FAM240B: variants seen among roughly 807,000 people sequenced by gnomAD.
The protein encoded by FAM240B is family with sequence similarity 240 member B.
At chr9:38,705,448 G>C (rs1380470347) in intron 1 of FAM240B, 2 of 152,218 alleles carry the variant, frequency 1.3e-5, no homozygotes, top group Non-Finnish European at 2.9e-5. Flanking sequence ...AATTAGCCGG[G>C]TGTGGTGGCG....
At chr9:38,709,341 C>T (rs1179002349) in intron 1 of FAM240B, among the ~76,000 whole-genome samples, 1 of 152,166 alleles carries the variant, frequency 6.6e-6, no homozygotes, top group East Asian at 1.9e-4. Context: ...CTCACTGTAG[C>T]TGGTATGGCC....
intron 1 of FAM240B, among the ~76,000 whole-genome samples, chr9:38,706,114 A>G (rs889381340): frequency 2.0e-5 from 3 of 152,222 alleles, no homozygotes; most frequent in African/African-American, 7.2e-5. Context: ...ACATTTAAAA[A>G]TAATTTTTAA....
chr9:38,707,514 A>C (rs1363692554), intron 1 of FAM240B, among the ~76,000 whole-genome samples: 1 of 151,948 alleles, frequency 6.6e-6, no homozygotes, highest in East Asian at 1.9e-4. Context: ...CACACCTGTA[A>C]TCCCAGCACT....
intron 2 of FAM240B, among the ~76,000 whole-genome samples, 163 bp downstream of exon 2, chr9:38,703,694 G>C (rs6476732): frequency 0.034 from 5,204 of 152,128 alleles, 276 homozygotes; most frequent in African/African-American, 0.12. Flanking sequence ...ATGAGACCTC[G>C]CATTTCCTCC....
intron 1 of FAM240B, among the ~76,000 whole-genome samples, chr9:38,718,505 C>T (rs1301146206): frequency 6.6e-6 from 1 of 152,112 alleles, no homozygotes; most frequent in Non-Finnish European, 1.5e-5. Context: ...CTCAGGAGAA[C>T]ATATCTGAAT....
chr9:38,697,978 T>C (rs1286870509), intron 2 of FAM240B, among the ~76,000 whole-genome samples: 1 of 152,258 alleles, frequency 6.6e-6, no homozygotes, highest in East Asian at 1.9e-4. Context: ...AAATAAGGTT[T>C]TATTGAAATA....
At chr9:38,718,790 AT>A (rs1821337232) in intron 1 of FAM240B, among the ~76,000 whole-genome samples, 1 of 152,096 alleles carries the variant, frequency 6.6e-6, no homozygotes, top group African/African-American at 2.4e-5. Flanking sequence ...GTAGATAGTT[AT>A]TTTAAATGGT....
chr9:38,695,864 A>T (rs1017130878), intron 2 of FAM240B, among the ~76,000 whole-genome samples: 1 of 152,274 alleles, frequency 6.6e-6, no homozygotes, highest in African/African-American at 2.4e-5. Context: ...ACAGAATATA[A>T]TAGAAAGTCC....
intron 1 of FAM240B, among the ~76,000 whole-genome samples, chr9:38,710,160 G>C (rs1821237962): frequency 6.6e-6 from 1 of 152,146 alleles, no homozygotes; most frequent in Non-Finnish European, 1.5e-5. Context: ...AGTAGAGACA[G>C]GGTTTCACCA....
intron 1 of FAM240B, among the ~76,000 whole-genome samples, chr9:38,716,403 C>T (rs1029618840): frequency 1.3e-5 from 2 of 152,108 alleles, no homozygotes; most frequent in African/African-American, 4.8e-5. Context: ...ACTGGGGAGG[C>T]GGAGCTTGCA....
At chr9:38,717,942 C>T (rs1821327961) in intron 1 of FAM240B, among the ~76,000 whole-genome samples, 1 of 152,188 alleles carries the variant, frequency 6.6e-6, no homozygotes, top group African/African-American at 2.4e-5. Flanking sequence ...CAGTCAGCAA[C>T]ACTTCCCAAA....
chr9:38,710,452 A>G (rs374865258), intron 1 of FAM240B, among the ~76,000 whole-genome samples: 2 of 152,364 alleles, frequency 1.3e-5, no homozygotes, highest in East Asian at 1.9e-4. Flanking sequence ...GGTTATTTTT[A>G]TAATAAACAC....
chr9:38,699,244 G>A (rs1275299769), intron 2 of FAM240B, among the ~76,000 whole-genome samples: 1 of 152,186 alleles, frequency 6.6e-6, no homozygotes, highest in Non-Finnish European at 1.5e-5. Context: ...GATGATATTT[G>A]TGAGACTCTT....
intron 1 of FAM240B, among the ~76,000 whole-genome samples, chr9:38,716,899 T>C (rs1821309465): frequency 6.6e-6 from 1 of 152,228 alleles, no homozygotes; most frequent in Admixed American, 6.5e-5. Flanking sequence ...GAGTGATCTC[T>C]GTCATCCTGT....
chr9:38,717,377 G>C (rs1456043588), intron 1 of FAM240B, among the ~76,000 whole-genome samples: 1 of 152,036 alleles, frequency 6.6e-6, no homozygotes, highest in Non-Finnish European at 1.5e-5. Context: ...TCAGGAGATC[G>C]AGACCATCCT....
chr9:38,719,347 C>T (rs2119018546), intron 1 of FAM240B, among the ~76,000 whole-genome samples: 1 of 152,036 alleles, frequency 6.6e-6, no homozygotes, highest in African/African-American at 2.4e-5. Flanking sequence ...GTCATAATTC[C>T]AACAGCAGTT....
intron 1 of FAM240B, chr9:38,705,582 C>G (rs1821181139): frequency 1.4e-5 from 1 of 71,906 alleles, no homozygotes; most frequent in Non-Finnish European, 2.6e-5. Flanking sequence ...GAGCAAGACT[C>G]CAACTCAAAA....
intron 2 of FAM240B, among the ~76,000 whole-genome samples, chr9:38,703,596 C>T (rs1225769604): frequency 1.3e-5 from 2 of 152,222 alleles, no homozygotes; most frequent in African/African-American, 4.8e-5. Flanking sequence ...TCCCCTCTGG[C>T]CCTGTGGGAC....
intron 1 of FAM240B, among the ~76,000 whole-genome samples, chr9:38,715,965 T>C (rs1469350972): frequency 6.6e-5 from 10 of 152,150 alleles, no homozygotes; most frequent in Non-Finnish European, 1.2e-4. Context: ...GGCTGTTCAA[T>C]TTGATGTCTA....
Sources: gnomAD v4.1 joint callset for allele counts (sites outside exome capture counted in the v4.1 genomes callset) on GRCh38, gnomAD v4.1.1 for gene constraint, MANE v1.5 for transcripts, NCBI Gene and HGNC (gene_info 2026-07-23, HGNC 2026-07-21) for gene names.